Variants in RBFOX3 observed in about 807,000 individuals in gnomAD.
The protein encoded by RBFOX3 is RNA binding protein fox-1 homolog 3.
In RBFOX3, 17 loss-of-function variants were observed where a neutral mutation model predicts 48.7. The ratio of observed to expected loss-of-function variants is 0.35; its 90% confidence interval spans 0.24 to 0.52. The LOEUF is 0.52. Among genes scored for constraint, RBFOX3 ranks in the 20% least tolerant of loss-of-function variants. The pLI, the probability that RBFOX3 is intolerant of heterozygous loss-of-function variation, is 0.94. For synonymous variants in RBFOX3, 212 were observed against 209.5 expected (o/e 1.01, Z -0.10); for missense variants, 382 against 497.5 (o/e 0.77, Z 2.21).
intron 1 of RBFOX3, among the ~76,000 whole-genome samples, chr17:79,511,039 C>G (rs1042458040): frequency 1.3e-5 from 2 of 152,210 alleles, no homozygotes; most frequent in Admixed American, 1.3e-4. Context: ...CCTCCAGCCC[C>G]AGGCAACATT....
At chr17:79,469,088 T>C (rs1322175772) in intron 2 of RBFOX3, among the ~76,000 whole-genome samples, 1 of 152,082 alleles carries the variant, frequency 6.6e-6, no homozygotes, top group Admixed American at 6.5e-5. Context: ...GATAGATAGA[T>C]AGATGGATAC....
intron 1 of RBFOX3, among the ~76,000 whole-genome samples, chr17:79,548,531 G>A (rs942411250): frequency 1.3e-5 from 2 of 152,276 alleles, no homozygotes; most frequent in African/African-American, 4.8e-5. Flanking sequence ...CAGGATGGTG[G>A]TATGAACTAA....
chr17:79,664,252 G>C, the RBFOX3 span, among the ~76,000 whole-genome samples: 1 of 151,452 alleles, frequency 6.6e-6, no homozygotes, highest in African/African-American at 2.4e-5. Context: ...TCAGCTCACT[G>C]CAACCTCCAC....
At chr17:79,310,884 G>A (rs886655926) in intron 2 of RBFOX3, among the ~76,000 whole-genome samples, 6 of 152,152 alleles carry the variant, frequency 3.9e-5, no homozygotes, top group Non-Finnish European at 8.8e-5. Context: ...CGGGGCATCT[G>A]ATGGTCAGTG....
At chr17:79,520,779 C>G (rs1453631557) in intron 1 of RBFOX3, among the ~76,000 whole-genome samples, 2 of 152,164 alleles carry the variant, frequency 1.3e-5, no homozygotes, top group Non-Finnish European at 2.9e-5. Context: ...CGGGCCCTCC[C>G]GGCTGGCCGG....
chr17:79,439,080 G>C (rs1398751017), intron 2 of RBFOX3, among the ~76,000 whole-genome samples: 1 of 152,218 alleles, frequency 6.6e-6, no homozygotes, highest in Non-Finnish European at 1.5e-5. Flanking sequence ...TAGAAAGTCT[G>C]CCCTGATTAA....
intron 4 of RBFOX3, among the ~76,000 whole-genome samples, chr17:79,229,290 CTCACA>C (rs1306909090): frequency 2.2e-5 from 3 of 135,468 alleles, no homozygotes; most frequent in African/African-American, 8.2e-5. Context: ...GGCGTGGTGG[CTCACA>C]TCTGTAATCC....
chr17:79,487,366 G>A (rs1555770124), intron 1 of RBFOX3, among the ~76,000 whole-genome samples: 2 of 152,234 alleles, frequency 1.3e-5, no homozygotes, highest in African/African-American at 4.8e-5. Flanking sequence ...TCAGAAGCGT[G>A]GACTTGTGTT....
intron 4 of RBFOX3, among the ~76,000 whole-genome samples, chr17:79,163,530 T>C (rs1665504929): frequency 6.6e-6 from 1 of 152,206 alleles, no homozygotes; most frequent in South Asian, 2.1e-4. Context: ...CCAGAAACCC[T>C]GGCAACATAA....
intron 1 of RBFOX3, among the ~76,000 whole-genome samples, chr17:79,544,667 C>T (rs945712768): frequency 6.6e-6 from 1 of 152,064 alleles, no homozygotes; most frequent in Non-Finnish European, 1.5e-5. Context: ...GCAGACACAC[C>T]TGGCTGCCTT....
chr17:79,298,286 C>G (rs2074730438), intron 3 of RBFOX3: 1 of 152,226 alleles, frequency 6.6e-6, no homozygotes, highest in Non-Finnish European at 1.5e-5. Flanking sequence ...TAAATTGCAA[C>G]AAATCTCAGC....
intron 1 of RBFOX3, among the ~76,000 whole-genome samples, chr17:79,594,498 C>T (rs2093513882): frequency 1.3e-5 from 2 of 152,274 alleles, no homozygotes; most frequent in South Asian, 4.1e-4. Flanking sequence ...AGAAGCTGTC[C>T]ACTCCAGGGC....
intron 2 of RBFOX3, among the ~76,000 whole-genome samples, chr17:79,466,426 T>C (rs2076327126): frequency 6.6e-6 from 1 of 151,716 alleles, no homozygotes; most frequent in Non-Finnish European, 1.5e-5. Context: ...CCTTGGGGAG[T>C]CGAGGGCAGA....
At chr17:79,114,984 T>C (rs932603924) in intron 5 of RBFOX3, among the ~76,000 whole-genome samples, 14 of 152,178 alleles carry the variant, frequency 9.2e-5, no homozygotes, top group Non-Finnish European at 1.8e-4. Context: ...ATTGAAGCTA[T>C]CTGATTGGAG....
Position 79,170,135 on chromosome 17 carries a change from A to G in RBFOX3, c.-33-54387T>C, listed in dbSNP as rs1487072167. Among the ~76,000 whole-genome samples the G allele has an allele frequency of 3.7e-5, 5 of 136,874 alleles. No homozygotes were observed. In the East Asian group the frequency reaches 6.9e-4, roughly 19 times the overall value. The allele number at this position is 136,874 out of a possible 152,430, so 89.8% of individuals were successfully genotyped here. A position where few individuals can be genotyped will look rare whatever the true frequency, so the allele number is the denominator to read the frequency against. ...AGGAGGAAGGAAGGAAGGAAGGAGG[A>G]AGGAGGGAAGGAAGGAAGGGAGGAG... On this transcript the variant is annotated intron_variant, in intron 4 of 14. Coordinates refer to ENST00000693108, the MANE Select transcript of RBFOX3 (RefSeq NM_001350451.2).
At chr17:79,400,579 C>A (rs58777880) in intron 2 of RBFOX3, among the ~76,000 whole-genome samples, 12,514 of 152,248 alleles carry the variant, frequency 0.082, 622 homozygotes, top group Non-Finnish European at 0.11. Flanking sequence ...CCATAACACC[C>A]ACCTCACAAG....
At chr17:79,509,091 T>C (rs1371596297) in intron 1 of RBFOX3, among the ~76,000 whole-genome samples, 8 of 152,060 alleles carry the variant, frequency 5.3e-5, no homozygotes, top group Admixed American at 4.6e-4. Flanking sequence ...TCCAGCTGGT[T>C]CTTTGGCCGG....
At chr17:79,356,673 T>C (rs2085194729) in intron 2 of RBFOX3, among the ~76,000 whole-genome samples, 1 of 147,474 alleles carries the variant, frequency 6.8e-6, no homozygotes. Flanking sequence ...CCAGCCAGTT[T>C]TGATTTTTTT....
intron 2 of RBFOX3, among the ~76,000 whole-genome samples, chr17:79,313,653 G>A (rs1389541556): frequency 6.6e-6 from 1 of 152,160 alleles, no homozygotes; most frequent in Non-Finnish European, 1.5e-5. Context: ...GCCAGGCCAG[G>A]CCTGTGCTCC....
Sources: allele counts gnomAD v4.1 joint callset (sites outside exome capture counted in the v4.1 genomes callset), GRCh38; gene constraint gnomAD v4.1.1; transcripts MANE v1.5; gene names NCBI Gene and HGNC (gene_info 2026-07-23, HGNC 2026-07-21).